Variants in DRC1 observed in about 807,000 individuals in gnomAD.
The protein encoded by DRC1 is dynein regulatory complex subunit 1.
DRC1 carries 74 observed loss-of-function variants against 98.7 expected under a neutral mutation model. The ratio of observed to expected loss-of-function variants is 0.75; its 90% CI spans 0.62 to 0.91. DRC1 has a LOEUF of 0.91. DRC1 is among the 40% of genes least tolerant of loss of function. The pLI, the probability that DRC1 is intolerant of heterozygous loss-of-function variation, is 0.00. For synonymous variants in DRC1, 336 were observed against 334.1 expected, an observed-to-expected ratio of 1.01 and a Z score of -0.06; for missense variants, 875 against 886.0, an observed-to-expected ratio of 0.99 and a Z score of 0.16.
At chr2:26,408,861 T>G (rs1678506637) in intron 1 of DRC1, among the ~76,000 whole-genome samples, 2 of 152,322 alleles carry the variant, frequency 1.3e-5, no homozygotes, top group South Asian at 4.1e-4. Flanking sequence ...CACGCTGACA[T>G]GCACAGTTGT....
intron 1 of DRC1, among the ~76,000 whole-genome samples, chr2:26,403,129 A>AT (rs1678305836): frequency 6.6e-6 from 1 of 152,188 alleles, no homozygotes; most frequent in Non-Finnish European, 1.5e-5. Flanking sequence ...AATAAACTTT[A>AT]TTTTTTAGAG....
At chr2:26,421,424 C>T (rs1221800634) in intron 3 of DRC1, 24 bp downstream of exon 3, 1 of 1,599,434 alleles carries the variant, frequency 6.3e-7, no homozygotes, top group Non-Finnish European at 8.6e-7. Flanking sequence ...TACTCTGCAG[C>T]TGGTGGACAT....
At chr2:26,439,171 C>A (rs370250150) in intron 7 of DRC1, among the ~76,000 whole-genome samples, 1 of 152,112 alleles carries the variant, frequency 6.6e-6, no homozygotes. Flanking sequence ...CACCCACCCC[C>A]CTTGCCTCAT....
intron 1 of DRC1, 55 bp from the exon 2 acceptor site, chr2:26,414,289 T>C (rs1678720412): frequency 3.1e-6 from 5 of 1,590,152 alleles, no homozygotes; most frequent in Non-Finnish European, 4.3e-6. Flanking sequence ...AACCTTTAAA[T>C]ATAGAATTTA....
intron 8 of DRC1, among the ~76,000 whole-genome samples, chr2:26,443,068 C>T (rs932601515): frequency 6.6e-6 from 1 of 152,164 alleles, no homozygotes; most frequent in African/African-American, 2.4e-5. Flanking sequence ...CTGTTTCTTT[C>T]TATCAGAGAC....
chr2:26,408,182 T>C (rs1245466677), intron 1 of DRC1, among the ~76,000 whole-genome samples: 1 of 152,094 alleles, frequency 6.6e-6, no homozygotes, highest in Non-Finnish European at 1.5e-5. Flanking sequence ...GGACAACCGA[T>C]TGGAAAATTA....
intron 7 of DRC1, among the ~76,000 whole-genome samples, chr2:26,439,936 T>TAC (rs1553342452): frequency 0.012 from 923 of 74,950 alleles, 45 homozygotes; most frequent in Admixed American, 0.04. Flanking sequence ...TATATATATA[T>TAC]ACACACACAC....
At chr2:26,424,090 A>G (rs972853435) in intron 3 of DRC1, among the ~76,000 whole-genome samples, 181 bp from the exon 4 acceptor site, 2 of 152,140 alleles carry the variant, frequency 1.3e-5, no homozygotes, top group African/African-American at 4.8e-5. Context: ...GGCCTAAGTT[A>G]TTTACAGTCA....
In DRC1 at chr2:26,413,532, T is replaced by C. The variant is rs143638689; in HGVS notation, c.156-812T>C. Among the ~76,000 whole-genome samples the C allele has an allele frequency of 2.0e-5, 3 of 152,344 alleles. No homozygotes were observed. The East Asian group carries it at 5.8e-4, about 29-fold the overall frequency. On this transcript the variant is annotated intron_variant, in intron 1 of 16. Coordinates refer to ENST00000288710, the MANE Select transcript of DRC1 (RefSeq NM_145038.5). The stretch of plus-strand genomic sequence containing the variant: ...CTTAAAATCTTTTTTAGTCTCATAA[T>C]AGAGTAATGACACCTCACAGGGTTT...
At chr2:26,429,070 G>A (rs1253497293) in intron 4 of DRC1, among the ~76,000 whole-genome samples, 1 of 152,082 alleles carries the variant, frequency 6.6e-6, no homozygotes, top group Non-Finnish European at 1.5e-5. Flanking sequence ...GAGGGGTTTG[G>A]TCCTGGGTGC....
intron 2 of DRC1, among the ~76,000 whole-genome samples, chr2:26,415,688 T>A (rs1205673054): frequency 6.6e-6 from 1 of 152,170 alleles, no homozygotes; most frequent in East Asian, 1.9e-4. Flanking sequence ...TCCCAGGACT[T>A]TGGGAGGCCG....
At chr2:26,451,772 A>G (rs553607517) in intron 13 of DRC1, among the ~76,000 whole-genome samples, 1 of 152,348 alleles carries the variant, frequency 6.6e-6, no homozygotes, top group Non-Finnish European at 1.5e-5. Flanking sequence ...AATAAAAGCT[A>G]TATTTGACTA....
intron 2 of DRC1, among the ~76,000 whole-genome samples, chr2:26,417,174 G>T (rs1290391798): frequency 6.6e-6 from 1 of 152,122 alleles, no homozygotes; most frequent in East Asian, 1.9e-4. Flanking sequence ...TTTGGGCAGG[G>T]ACAAAAGATC....
Position 26,455,210 on chromosome 2 carries a change from C to A in DRC1, c.2143C>A (p.Leu715Met), listed in dbSNP as rs144237212. The part of the protein sequence containing the change: ...EQQNTELQAL[L>M]QQYLNSKINS... ...GCAGAACACAGAGCTGCAGGCGCTA[C>A]TGCAGCAGTATCTGAACTCCAAGGT... Residue 715 changes from leucine (L) to methionine (M), a missense_variant, in exon 16 of 17, where the codon CTG (leucine) becomes ATG (methionine). Coordinates refer to ENST00000288710, the MANE Select transcript of DRC1 (RefSeq NM_145038.5). 3 of 1,613,890 alleles carry A rather than the reference C, an allele frequency of 1.9e-6. No individual in the cohort carries two copies. Among genetic ancestry groups the A allele is most frequent in the Non-Finnish European group, 2.5e-6 (3 of 1,180,000 alleles).
At chr2:26,429,925 A>T (rs183510238) in intron 5 of DRC1, among the ~76,000 whole-genome samples, 160 bp downstream of exon 5, 2 of 152,180 alleles carry the variant, frequency 1.3e-5, no homozygotes. Flanking sequence ...TCATTCATTC[A>T]TATGACAAGT....
Position 26,444,822 on chromosome 2 carries a change from C to T in DRC1, c.1270C>T (p.His424Tyr), listed in dbSNP as rs1663810648. Reference protein sequence around the residue: ...ARAFDVDRIIHTHHLGLPWAA... With the variant: ...ARAFDVDRIIYTHHLGLPWAA... ...AGCCTTTGATGTGGACAGGATCATC[C>T]ACACCCATCATCTGGGGCTTCCCTG... The change falls in exon 10 of 17, where the codon CAC becomes TAC. Residue 424 changes from histidine to tyrosine, a missense_variant. Physicochemically the swap from His to Tyr is moderately conservative, Grantham distance 83. Coordinates refer to ENST00000288710, the MANE Select transcript of DRC1 (RefSeq NM_145038.5). The T allele has an allele frequency of 6.2e-7, 1 of 1,614,080 alleles. No homozygotes were observed. Among genetic ancestry groups the T allele is most frequent in the Admixed American group, 1.7e-5 (1 of 60,000 alleles).
At chr2:26,402,773 T>C (rs1572346621) in intron 1 of DRC1, among the ~76,000 whole-genome samples, 1 of 152,314 alleles carries the variant, frequency 6.6e-6, no homozygotes, top group East Asian at 1.9e-4. Flanking sequence ...TGGGCCTTCA[T>C]AGGGTTGATT....
At chr2:26,451,973 C>G (rs1014099303) in intron 13 of DRC1, among the ~76,000 whole-genome samples, 2 of 152,092 alleles carry the variant, frequency 1.3e-5, no homozygotes, top group Non-Finnish European at 2.9e-5. Flanking sequence ...ATGAACAACT[C>G]CTAGAAGAGG....
chr2:26,423,451 A>C (rs1663201352), intron 3 of DRC1, among the ~76,000 whole-genome samples: 1 of 152,038 alleles, frequency 6.6e-6, no homozygotes, highest in South Asian at 2.1e-4. Context: ...AGGAGCAGAG[A>C]GTCTCTGGCA....
Sources: allele counts gnomAD v4.1 joint callset (sites outside exome capture counted in the v4.1 genomes callset), GRCh38; gene constraint gnomAD v4.1.1; transcripts MANE v1.5; gene names NCBI Gene and HGNC (gene_info 2026-07-23, HGNC 2026-07-21).